RANBP17: variants seen among roughly 807,000 people sequenced by gnomAD.
The protein encoded by RANBP17 is ran-binding protein 17.
Under a neutral mutation model 141.2 loss-of-function variants are expected in RANBP17, and 158 were observed. That is an observed-to-expected ratio of 1.12 (90% CI 0.98 to 1.28). RANBP17 has a LOEUF of 1.28. Ranked by LOEUF, RANBP17 falls within the 50% of genes most tolerant of loss-of-function variation. RANBP17 has a pLI of 0.00. For synonymous variants in RANBP17, 430 were observed against 450.0 expected (o/e 0.96, Z 0.56); for missense variants, 1,438 against 1,290.7 (o/e 1.11, Z -1.75).
chr5:171,262,340 C>T (rs932212844), intron 24 of RANBP17, among the ~76,000 whole-genome samples: 1 of 152,164 alleles, frequency 6.6e-6, no homozygotes, highest in African/African-American at 2.4e-5. Flanking sequence ...TAGGCCTAGA[C>T]ATTTTCCATT....
intron 7 of RANBP17, among the ~76,000 whole-genome samples, chr5:170,913,504 A>T (rs781263373): frequency 6.6e-6 from 1 of 152,126 alleles, no homozygotes; most frequent in Non-Finnish European, 1.5e-5. Context: ...GAGTATTAGA[A>T]ATGTGATGTA....
chr5:171,213,804 T>C, intron 21 of RANBP17, 66 bp downstream of exon 21: 1 of 1,241,060 alleles, frequency 8.1e-7, no homozygotes, highest in Non-Finnish European at 1.2e-6. Context: ...ACAGTCAGAC[T>C]TTCTTTTTTG....
chr5:171,255,669 C>A (rs1561804976), intron 24 of RANBP17, among the ~76,000 whole-genome samples: 1 of 151,988 alleles, frequency 6.6e-6, no homozygotes, highest in Admixed American at 6.6e-5. Context: ...ACTTTTAAAA[C>A]ATATAGGGTC....
Position 171,242,767 on chromosome 5 carries a change from CT to C in RANBP17, c.2724del (p.Pro909LeufsTer29). The C allele has an allele frequency of 6.2e-7, 1 of 1,613,488 alleles. No homozygotes were observed. The highest frequency in any genetic ancestry group is 8.5e-7 in the Non-Finnish European group (1 of 1,179,530). On this transcript the variant is annotated frameshift_variant, in exon 24 of 28. Transcript: ENST00000523189. LOFTEE classifies it high-confidence loss of function. ...ATGAGCTTCATCATCAACTTAGAGC[CT>C]CCTGTACTCATGTATGTTCTCACAT... ...DHMSFIINLEPPVLMYVLTSI... is the reference protein window; with the variant it reads ...DHMSFIINLEXPVLMYVLTSI...
chr5:170,913,956 A>AG (rs963173002), intron 7 of RANBP17, among the ~76,000 whole-genome samples: 23 of 152,148 alleles, frequency 1.5e-4, no homozygotes, highest in Admixed American at 3.9e-4. Context: ...ACATAGAGGA[A>AG]GTGCTACATG....
chr5:170,866,924 TGTA>T (rs1349146983), intron 1 of RANBP17: 1 of 152,052 alleles, frequency 6.6e-6, no homozygotes, highest in Non-Finnish European at 1.5e-5. Context: ...TGGGCTGTAT[TGTA>T]GTGTGCTCCA....
chr5:171,271,580 T>G (rs1280609309), intron 25 of RANBP17: 1 of 209,732 alleles, frequency 4.8e-6, no homozygotes, highest in Non-Finnish European at 9.7e-6. Flanking sequence ...TAAAGACATT[T>G]CCAGTGATCC....
intron 13 of RANBP17, among the ~76,000 whole-genome samples, chr5:170,954,989 A>ATAG (rs995933601): frequency 1.3e-5 from 2 of 152,172 alleles, no homozygotes; most frequent in African/African-American, 4.8e-5. Flanking sequence ...CAGCAGGGAC[A>ATAG]TAGATTCTCA....
At chr5:171,246,919 G>A (rs545495050) in intron 24 of RANBP17, among the ~76,000 whole-genome samples, 1 of 152,290 alleles carries the variant, frequency 6.6e-6, no homozygotes, top group South Asian at 2.1e-4. Flanking sequence ...TACTCTAAGA[G>A]CACTCTTTAT....
chr5:171,248,914 G>A (rs898995975), intron 24 of RANBP17, among the ~76,000 whole-genome samples: 1 of 152,068 alleles, frequency 6.6e-6, no homozygotes, highest in Admixed American at 6.6e-5. Flanking sequence ...CGCCCACCCA[G>A]CCCACCGCTG....
chr5:170,916,723 T>C (rs917411315), intron 9 of RANBP17, 139 bp downstream of exon 9: 46 of 531,342 alleles, frequency 8.7e-5, no homozygotes, highest in Non-Finnish European at 1.2e-4. Flanking sequence ...AGAGCTTTTT[T>C]TTTTTTTTTT....
intron 14 of RANBP17, among the ~76,000 whole-genome samples, chr5:171,130,187 C>G (rs1483372019): frequency 1.3e-5 from 2 of 152,020 alleles, no homozygotes; most frequent in African/African-American, 4.8e-5. Flanking sequence ...TGCATAAGAA[C>G]ATTAAAACAA....
At chr5:171,010,913 A>G (rs967731674) in intron 14 of RANBP17, among the ~76,000 whole-genome samples, 1 of 152,090 alleles carries the variant, frequency 6.6e-6, no homozygotes, top group Admixed American at 6.6e-5. Flanking sequence ...GTAATACGTA[A>G]TTTAAAATCT....
chr5:171,272,895 G>A (rs963755387), intron 25 of RANBP17, among the ~76,000 whole-genome samples: 1 of 152,082 alleles, frequency 6.6e-6, no homozygotes, highest in Non-Finnish European at 1.5e-5. Flanking sequence ...CACCAAGACA[G>A]ACCTAACCAA....
chr5:171,249,129 G>T (rs1487744333), intron 24 of RANBP17, among the ~76,000 whole-genome samples: 1 of 152,048 alleles, frequency 6.6e-6, no homozygotes, highest in Non-Finnish European at 1.5e-5. Context: ...ACTAATAACT[G>T]CACCCTAACC....
intron 14 of RANBP17, among the ~76,000 whole-genome samples, chr5:171,143,805 T>C (rs1237939637): frequency 6.6e-6 from 1 of 152,148 alleles, no homozygotes; most frequent in Non-Finnish European, 1.5e-5. Flanking sequence ...GAAATTATAT[T>C]TGAACGAGGT....
At chr5:170,948,335 A>G (rs1774929853) in intron 12 of RANBP17, among the ~76,000 whole-genome samples, 1 of 152,190 alleles carries the variant, frequency 6.6e-6, no homozygotes, top group Non-Finnish European at 1.5e-5. Flanking sequence ...AAAAAATGGC[A>G]GATTCCCAAA....
chr5:171,252,890 T>C lies in RANBP17; in HGVS notation c.2776+10070T>C, dbSNP rs536102190. On this transcript the variant is annotated intron_variant, in intron 24 of 27. Coordinates refer to ENST00000523189, the MANE Select transcript of RANBP17 (RefSeq NM_022897.5). ...TTTGATGACGACATTGTAGAAAAAA[T>C]AGATGCACAAGCTATTGAAGAAGTC... The C allele has an allele frequency of 8.5e-6, 12 of 1,419,682 alleles. No individual in the cohort carries two copies. The African/African-American group carries it at 1.1e-4, about 13-fold the overall frequency. The allele number at this position is 1,419,682 out of a possible 1,614,324, so 87.9% of individuals were successfully genotyped here. A position where few individuals can be genotyped will look rare whatever the true frequency, so the allele number is the denominator to read the frequency against.
At chr5:171,208,157 T>G (rs771679028) in intron 20 of RANBP17, among the ~76,000 whole-genome samples, 2 of 152,246 alleles carry the variant, frequency 1.3e-5, no homozygotes, top group Non-Finnish European at 2.9e-5. Flanking sequence ...TAAGAGCACA[T>G]GTCATCTTAA....
Sources: gnomAD v4.1 joint callset for allele counts (sites outside exome capture counted in the v4.1 genomes callset) on GRCh38, gnomAD v4.1.1 for gene constraint, MANE v1.5 for transcripts, NCBI Gene and HGNC (gene_info 2026-07-23, HGNC 2026-07-21) for gene names.